MTUS1: variants seen among roughly 807,000 people sequenced by gnomAD.
The protein encoded by MTUS1 is microtubule-associated tumor suppressor 1.
Under a neutral mutation model 120.8 loss-of-function variants are expected in MTUS1, and 109 were observed. That is an observed-to-expected ratio of 0.90 (90% confidence interval 0.77 to 1.06). MTUS1 has a LOEUF of 1.06. MTUS1 is among the 50% of genes least tolerant of loss of function. MTUS1 has a pLI of 0.00. For missense variants in MTUS1, 2,210 were observed against 1,486.3 expected (o/e 1.49, Z -8.01); for synonymous variants, 737 against 550.5 (o/e 1.34, Z -4.74).
At chr8:17,700,189 C>T (rs911530066) in intron 6 of MTUS1, among the ~76,000 whole-genome samples, 1 of 151,890 alleles carries the variant, frequency 6.6e-6, no homozygotes, top group African/African-American at 2.4e-5. Flanking sequence ...GGGCCGGGCG[C>T]GGTGGTGAGA....
intron 1 of MTUS1, among the ~76,000 whole-genome samples, chr8:17,757,778 C>T (rs571025368): frequency 2.0e-4 from 31 of 152,278 alleles, no homozygotes; most frequent in Middle Eastern, 6.8e-3. Context: ...CTGCCCACCT[C>T]GGCCTCCCAA....
At chr8:17,711,613 G>A (rs1330799900) in intron 6 of MTUS1, among the ~76,000 whole-genome samples, 2 of 152,140 alleles carry the variant, frequency 1.3e-5, no homozygotes, top group East Asian at 3.9e-4. Context: ...AGTCTGTTTT[G>A]CTTTCTTATT....
At chr8:17,721,722 A>C in intron 4 of MTUS1, 1 of 1,566,818 alleles carries the variant, frequency 6.4e-7, no homozygotes, top group East Asian at 2.3e-5. Context: ...TTTTTTTCCC[A>C]GTAAACGTGG....
intron 1 of MTUS1, among the ~76,000 whole-genome samples, chr8:17,790,452 C>G (rs2051682647): frequency 6.6e-6 from 1 of 151,958 alleles, no homozygotes; most frequent in African/African-American, 2.4e-5. Flanking sequence ...TCTAATTATT[C>G]AAATGATTGT....
chr8:17,659,398 A>G (rs1194274051), intron 8 of MTUS1, among the ~76,000 whole-genome samples: 3 of 152,180 alleles, frequency 2.0e-5, no homozygotes, highest in Non-Finnish European at 4.4e-5. Flanking sequence ...AAATAAATAA[A>G]TAAAAACTGT....
chr8:17,657,058 CA>C (rs1219286349), intron 8 of MTUS1, among the ~76,000 whole-genome samples: 7,233 of 56,740 alleles, frequency 0.13, 124 homozygotes, highest in African/African-American at 0.24. Context: ...GATTCTGTCT[CA>C]AAAAAAAAAA....
intron 1 of MTUS1, among the ~76,000 whole-genome samples, chr8:17,797,573 C>A (rs375887570): frequency 2.0e-5 from 3 of 152,108 alleles, no homozygotes; most frequent in Admixed American, 2.0e-4. Flanking sequence ...TCATACCATC[C>A]CATCTAGTCC....
intron 2 of MTUS1, among the ~76,000 whole-genome samples, chr8:17,752,750 G>A (rs2048297147): frequency 6.6e-6 from 1 of 152,094 alleles, no homozygotes. Context: ...TGTCACACCT[G>A]CCTTTCTCCG....
rs1382354165 is a variant in MTUS1, at chr8:17,792,745, T to C, written c.-155+8316A>G. ...CAGGCGCGGTGGCGCATACCTGTAG[T>C]GCCAGGTACTCAGAAGGCTATGGCA... On this transcript the variant is annotated intron_variant, in intron 1 of 14. Transcript: ENST00000693296. Among the ~76,000 whole-genome samples the C allele has an allele frequency of 2.6e-5, 4 of 152,258 alleles. No homozygotes were observed. The East Asian group carries it at 7.7e-4, about 29-fold the overall frequency.
intron 1 of MTUS1, among the ~76,000 whole-genome samples, chr8:17,772,371 A>T (rs1269829241): frequency 1.3e-5 from 2 of 152,216 alleles, no homozygotes. Context: ...TTTCACTCGC[A>T]TTATCCAAAC....
chr8:17,751,984 T>C (rs900141259), intron 2 of MTUS1, among the ~76,000 whole-genome samples: 6 of 152,074 alleles, frequency 3.9e-5, no homozygotes, highest in African/African-American at 1.4e-4. Flanking sequence ...CATATCTAAT[T>C]ATGAATCCTA....
At chr8:17,727,392 T>A (rs1179033965) in intron 3 of MTUS1, among the ~76,000 whole-genome samples, 1 of 152,076 alleles carries the variant, frequency 6.6e-6, no homozygotes, top group East Asian at 1.9e-4. Context: ...TGCCACAGAA[T>A]AGAAACATCT....
At chr8:17,660,031 C>G (rs1180994338) in intron 8 of MTUS1, among the ~76,000 whole-genome samples, 1 of 152,130 alleles carries the variant, frequency 6.6e-6, no homozygotes, top group Non-Finnish European at 1.5e-5. Flanking sequence ...AAGGCTCATC[C>G]AAGCTGTGGG....
intron 4 of MTUS1, chr8:17,723,395 C>A (rs554295926): frequency 4.2e-6 from 2 of 475,074 alleles, no homozygotes; most frequent in Non-Finnish European, 7.7e-6. Context: ...GAGTCCAAAT[C>A]CCCTGGGTTG....
chr8:17,665,945 T>C (rs539964389), intron 8 of MTUS1, among the ~76,000 whole-genome samples: 5 of 152,264 alleles, frequency 3.3e-5, no homozygotes, highest in African/African-American at 1.2e-4. Context: ...CATCTCCATC[T>C]TGGTGCCTAG....
intron 8 of MTUS1, among the ~76,000 whole-genome samples, chr8:17,672,567 G>C (rs1444263110): frequency 6.6e-6 from 1 of 152,216 alleles, no homozygotes; most frequent in Admixed American, 6.5e-5. Context: ...AGCCTTGAGA[G>C]TGTTCTTCCT....
In MTUS1 at chr8:17,645,876, C is replaced by A. The variant is rs567075610; in HGVS notation, c.*50G>T. 1 of 1,572,694 alleles carries A rather than the reference C, an allele frequency of 6.4e-7. No homozygotes were observed. Among genetic ancestry groups the A allele is most frequent in the East Asian group, 2.3e-5 (1 of 43,886 alleles). ...ACGTTCCTCCTTGGGGTCAGTCCTGCAGACCTGCATCAAAATGCTTTCAGA... is the reference window on the plus strand; with the variant it reads ...ACGTTCCTCCTTGGGGTCAGTCCTGAAGACCTGCATCAAAATGCTTTCAGA... On this transcript the variant is annotated 3_prime_UTR_variant, in exon 15 of 15. Coordinates refer to ENST00000693296, the MANE Select transcript of MTUS1 (RefSeq NM_001363059.2).
At chr8:17,675,292 G>A in intron 7 of MTUS1, 40 bp from the exon 8 acceptor site, 1 of 1,595,832 alleles carries the variant, frequency 6.3e-7, no homozygotes, top group Non-Finnish European at 8.6e-7. Flanking sequence ...GCTTTCAAGA[G>A]GGTCCCTTTC....
intron 8 of MTUS1, among the ~76,000 whole-genome samples, chr8:17,670,589 C>T (rs1034477302): frequency 2.6e-5 from 4 of 152,036 alleles, no homozygotes; most frequent in Non-Finnish European, 5.9e-5. Flanking sequence ...TTTGGGAGGC[C>T]GAGACGGGCG....
Sources: allele counts gnomAD v4.1 joint callset (sites outside exome capture counted in the v4.1 genomes callset), GRCh38; gene constraint gnomAD v4.1.1; transcripts MANE v1.5; gene names NCBI Gene and HGNC (gene_info 2026-07-23, HGNC 2026-07-21).